Variants in FOXN3 observed in about 807,000 individuals in gnomAD.
FOXN3 encodes the protein forkhead box N3.
FOXN3 carries 7 observed loss-of-function variants against 38.4 expected under a neutral mutation model. The observed-to-expected ratio is 0.18, with a 90% CI of 0.10 to 0.34. The LOEUF (loss-of-function observed/expected upper bound fraction) is 0.34, where lower values mean the gene tolerates loss of function less well. Ranked by LOEUF, FOXN3 falls within the 10% of genes least tolerant of loss-of-function variation. FOXN3 has a pLI of 1.00. For missense variants in FOXN3, 456 were observed against 613.4 expected, an observed-to-expected ratio of 0.74 and a Z score of 2.71; for synonymous variants, 230 against 242.2, an observed-to-expected ratio of 0.95 and a Z score of 0.47.
intron 4 of FOXN3, among the ~76,000 whole-genome samples, chr14:89,234,392 G>A (rs577434184): frequency 5.2e-4 from 79 of 152,172 alleles, no homozygotes; most frequent in African/African-American, 1.9e-3. Context: ...TGGCTGCATC[G>A]CTCTACTCTC....
At chr14:89,501,268 T>A (rs2139789528) in intron 1 of FOXN3, among the ~76,000 whole-genome samples, 1 of 152,296 alleles carries the variant, frequency 6.6e-6, no homozygotes, top group African/African-American at 2.4e-5. Flanking sequence ...AGTGGGAACT[T>A]TTTGTGTGTG....
chr14:89,269,506 A>C (rs1283584440), intron 4 of FOXN3, among the ~76,000 whole-genome samples: 1 of 146,534 alleles, frequency 6.8e-6, no homozygotes, highest in African/African-American at 2.5e-5. Context: ...TCCTTTTTCC[A>C]TGAAGCTGAG....
chr14:89,513,971 G>C (rs573169036), intron 1 of FOXN3, among the ~76,000 whole-genome samples: 2 of 151,952 alleles, frequency 1.3e-5, no homozygotes, highest in Admixed American at 1.3e-4. Flanking sequence ...CCTACACCTA[G>C]AGAAAAGTTG....
At chr14:89,276,975 T>A (rs1189138828) in intron 4 of FOXN3, among the ~76,000 whole-genome samples, 1 of 152,092 alleles carries the variant, frequency 6.6e-6, no homozygotes, top group Non-Finnish European at 1.5e-5. Flanking sequence ...AGAGACCAGA[T>A]GAAGGGTCAG....
upstream of FOXN3, among the ~76,000 whole-genome samples, chr14:89,421,626 A>C (rs1891911421): frequency 6.7e-6 from 1 of 150,150 alleles, no homozygotes; most frequent in African/African-American, 2.5e-5. Context: ...TCTGGGGTTC[A>C]AGCAATTCTC....
At chr14:89,223,661 G>A (rs1320975936) in intron 4 of FOXN3, among the ~76,000 whole-genome samples, 2 of 152,234 alleles carry the variant, frequency 1.3e-5, no homozygotes, top group African/African-American at 4.8e-5. Context: ...CTGGGCAGTC[G>A]AGGGTGAGAG....
chr14:89,323,052 G>T (rs1887938363), intron 3 of FOXN3, among the ~76,000 whole-genome samples: 1 of 152,112 alleles, frequency 6.6e-6, no homozygotes, highest in Non-Finnish European at 1.5e-5. Flanking sequence ...ACTTTGGGAG[G>T]CCAAGTTGGG....
chr14:89,367,091 C>T (rs1209295580), intron 2 of FOXN3, among the ~76,000 whole-genome samples: 2 of 152,146 alleles, frequency 1.3e-5, no homozygotes, highest in Non-Finnish European at 2.9e-5. Flanking sequence ...CAGTGAAACA[C>T]AGACACTGGG....
intron 3 of FOXN3, among the ~76,000 whole-genome samples, chr14:89,293,547 C>A (rs1886942119): frequency 6.6e-6 from 1 of 152,126 alleles, no homozygotes. Flanking sequence ...ACACAGCATT[C>A]CCCCATGTGT....
intron 3 of FOXN3, among the ~76,000 whole-genome samples, chr14:89,327,284 T>C (rs1888111998): frequency 6.6e-6 from 1 of 152,230 alleles, no homozygotes; most frequent in African/African-American, 2.4e-5. Flanking sequence ...CATTATTATA[T>C]GATGTGCTTA....
rs144424093 is a variant in FOXN3 at position 89,356,672 on chromosome 14, A to G, written c.544-5864T>C. The G allele has an allele frequency of 1.8e-3, 280 of 152,250 alleles. 1 individual carries two copies. Among genetic ancestry groups the G allele is most frequent in the African/African-American group, 6.5e-3 (269 of 41,536 alleles). 9.4% of individuals were successfully genotyped at this position (152,250 alleles called of 1,614,324 possible). A position where few individuals can be genotyped will look rare whatever the true frequency, so the allele number is the denominator to read the frequency against. ...GGTGCTTCTAACACTACCCACCTTC[A>G]TTCATTCCTTCATTCATACGCTCAT... On this transcript the variant is annotated intron_variant, in intron 2 of 5. Transcript: ENST00000557258.
At chr14:89,322,883 A>G (rs1887935152) in intron 3 of FOXN3, among the ~76,000 whole-genome samples, 1 of 152,240 alleles carries the variant, frequency 6.6e-6, no homozygotes, top group Non-Finnish European at 1.5e-5. Context: ...CTAAGGATAC[A>G]GCAGAGAGCA....
chr14:89,283,474 A>G (rs1311523905), intron 3 of FOXN3, among the ~76,000 whole-genome samples: 1 of 152,204 alleles, frequency 6.6e-6, no homozygotes, highest in Non-Finnish European at 1.5e-5. Context: ...TTTAAAGCTT[A>G]AAGTTGGTTA....
intron 4 of FOXN3, among the ~76,000 whole-genome samples, chr14:89,273,908 G>A (rs961959020): frequency 7.2e-5 from 11 of 152,250 alleles, no homozygotes; most frequent in African/African-American, 2.7e-4. Context: ...GGACTTAGGT[G>A]TTGGGGGGAA....
intron 2 of FOXN3, among the ~76,000 whole-genome samples, chr14:89,394,682 T>C (rs1019870613): frequency 2.6e-5 from 4 of 152,240 alleles, no homozygotes; most frequent in Non-Finnish European, 5.9e-5. Flanking sequence ...GATACATGCA[T>C]GCGCTGAGCG....
chr14:89,447,153 G>A (rs894142354), intron 1 of FOXN3, among the ~76,000 whole-genome samples: 6 of 149,832 alleles, frequency 4.0e-5, no homozygotes, highest in South Asian at 2.1e-4. Context: ...CCGAGATCGC[G>A]CCATTGCACT....
chr14:89,412,370 T>G lies in FOXN3; in HGVS notation c.107A>C (p.Gln36Pro), dbSNP rs1328891725. ...AGAAAAGTCGAGGTCATCGTCTTCCTGAAGGGCCTTGGAGAAACCGCTGCC... is the reference window on the plus strand; with the variant it reads ...AGAAAAGTCGAGGTCATCGTCTTCCGGAAGGGCCTTGGAGAAACCGCTGCC... ...YGGSGFSKAL[Q>P]EDDDLDFSLP... is the part of the protein sequence containing the mutation. The change falls in exon 2 of 6, where the codon CAG becomes CCG. Residue 36 changes from glutamine to proline, a missense_variant. By Grantham distance (76) the Gln-to-Pro change is moderately conservative. Coordinates refer to ENST00000557258, the MANE Select transcript of FOXN3 (RefSeq NM_005197.4). The surrounding 1 kb of genome is among the most constrained non-coding windows in gnomAD (Gnocchi z 4.7). 7 of 1,614,082 alleles carry G rather than the reference T, an allele frequency of 4.3e-6. No individual in the cohort carries two copies. In the South Asian group the frequency reaches 7.7e-5, roughly 18 times the overall value.
intron 5 of FOXN3, among the ~76,000 whole-genome samples, chr14:89,176,131 G>A (rs1245071036): frequency 1.3e-5 from 2 of 152,218 alleles, no homozygotes; most frequent in East Asian, 1.9e-4. Flanking sequence ...GGTTTCCAAC[G>A]TCTAAGGATG....
rs781773601 is a variant in FOXN3, at chr14:89,429,403, T to C, written c.-14-16913A>G. Among the ~76,000 whole-genome samples the C allele has an allele frequency of 6.6e-5, 10 of 152,328 alleles. No individual in the cohort carries two copies. The South Asian group carries it at 1.0e-3, about 16-fold the overall frequency. The stretch of plus-strand genomic sequence containing the variant: ...CTGGCTCCGCTGCCTCTCAACGCAC[T>C]GGCTTGCTTTTTGCTTTTGAGTAGC... On this transcript the variant is annotated intron_variant, in intron 1 of 6. Coordinates refer to the FOXN3 transcript ENST00000345097.
Sources: gnomAD v4.1 joint callset for allele counts (sites outside exome capture counted in the v4.1 genomes callset) on GRCh38, gnomAD v4.1.1 for gene constraint, Gnocchi (gnomAD v3.1) non-coding constraint, MANE v1.5 for transcripts, NCBI Gene and HGNC (gene_info 2026-07-23, HGNC 2026-07-21) for gene names.